PIRT: variants seen among roughly 807,000 people sequenced by gnomAD.
PIRT encodes the protein phosphoinositide-interacting protein.
PIRT carries 6 observed loss-of-function variants against 7.9 expected under a neutral mutation model. The observed-to-expected ratio is 0.76, with a 90% CI of 0.42 to 1.51. The LOEUF (loss-of-function observed/expected upper bound fraction) is 1.51. Ranked by LOEUF, PIRT falls within the 40% of genes most tolerant of loss-of-function variation. The probability of loss-of-function intolerance (pLI) is 0.01; values close to 1 mark genes in which losing one functional copy is unlikely to be tolerated. For synonymous variants in PIRT, 78 were observed against 71.8 expected, an observed-to-expected ratio of 1.09 and a Z score of -0.44; for missense variants, 170 against 172.9, an observed-to-expected ratio of 0.98 and a Z score of 0.09.
rs1905279682 is a variant in PIRT at position 10,825,108 on chromosome 17, C to G, written c.*124G>C. Reference sequence around the variant, plus strand: ...GGAGCCCCAAGCTCTATCTTCCCCACAGGGTCAGGAAGAGCATTTTCCTGG... The same window carrying G: ...GGAGCCCCAAGCTCTATCTTCCCCAGAGGGTCAGGAAGAGCATTTTCCTGG... On this transcript the variant is annotated 3_prime_UTR_variant, in exon 2 of 2. Transcript: ENST00000580256. 1 of 1,280,662 alleles carries G rather than the reference C, an allele frequency of 7.8e-7. No individual in the cohort carries two copies. The highest frequency in any genetic ancestry group is 2.6e-5 in the Admixed American group (1 of 39,030). 79.3% of individuals were successfully genotyped at this position (1,280,662 alleles called of 1,614,324 possible). A position where few individuals can be genotyped will look rare whatever the true frequency, so the allele number is the denominator to read the frequency against.
intron 1 of PIRT, among the ~76,000 whole-genome samples, chr17:10,833,596 T>C (rs1905514603): frequency 6.6e-6 from 1 of 151,952 alleles, no homozygotes; most frequent in South Asian, 2.1e-4. Context: ...CTGCTAAAAA[T>C]ACAAAAAATC....
intron 1 of PIRT, among the ~76,000 whole-genome samples, chr17:10,826,627 A>G (rs9908426): frequency 0.18 from 27,728 of 152,206 alleles, 3,233 homozygotes; most frequent in African/African-American, 0.32. Context: ...TACTGATGAG[A>G]TAGTGAAGCT....
At chr17:10,833,977 G>A (rs1016178406) in intron 1 of PIRT, among the ~76,000 whole-genome samples, 7 of 152,204 alleles carry the variant, frequency 4.6e-5, no homozygotes, top group East Asian at 3.9e-4. Context: ...TCACAATACC[G>A]TAGGTTGGTG....
At chr17:10,826,925 GC>G (rs1478596372) in intron 1 of PIRT, among the ~76,000 whole-genome samples, 1 of 152,004 alleles carries the variant, frequency 6.6e-6, no homozygotes, top group East Asian at 1.9e-4. Context: ...CGATCCTCCT[GC>G]CTCAGCCTCC....
intron 1 of PIRT, among the ~76,000 whole-genome samples, chr17:10,827,345 T>C (rs1413775501): frequency 1.3e-5 from 2 of 152,174 alleles, no homozygotes; most frequent in African/African-American, 4.8e-5. Context: ...GTGGAGCAAT[T>C]TCAGGGCTGG....
Position 10,825,165 on chromosome 17 carries a change from G to A in PIRT, c.*67C>T. On this transcript the variant is annotated 3_prime_UTR_variant, in exon 2 of 2. Transcript: ENST00000580256. Reference sequence around the variant, plus strand: ...TTTATGGCACCCCACAGAGGAGACAGGGATGTCGGATGTTGGTCATCAGAT... The same window carrying A: ...TTTATGGCACCCCACAGAGGAGACAAGGATGTCGGATGTTGGTCATCAGAT... 1 of 1,551,350 alleles carries A rather than the reference G, an allele frequency of 6.4e-7. No homozygotes were observed. The highest frequency in any genetic ancestry group is 8.8e-7 in the Non-Finnish European group (1 of 1,140,650).
chr17:10,825,041 C>G lies in PIRT; in HGVS notation c.*191G>C. On this transcript the variant is annotated 3_prime_UTR_variant, in exon 2 of 2. Transcript: ENST00000580256. ...AGGAAGCATCAGTCAGAATAGAGATCAAGTGGATACATCTGGCAACATTCC... is the reference window on the plus strand; with the variant it reads ...AGGAAGCATCAGTCAGAATAGAGATGAAGTGGATACATCTGGCAACATTCC... The G allele has an allele frequency of 1.4e-6, 1 of 719,954 alleles. No homozygotes were observed. Among genetic ancestry groups the G allele is most frequent in the African/African-American group, 1.8e-5 (1 of 56,080 alleles). 44.6% of individuals were successfully genotyped at this position (719,954 alleles called of 1,614,324 possible).
chr17:10,834,040 A>G (rs1002400464), intron 1 of PIRT, among the ~76,000 whole-genome samples: 1 of 152,194 alleles, frequency 6.6e-6, no homozygotes, highest in Admixed American at 6.5e-5. Flanking sequence ...TGTTTTTTAC[A>G]AAGTTAAATA....
chr17:10,835,103 C>T (rs1323237023), intron 1 of PIRT, among the ~76,000 whole-genome samples: 1 of 152,146 alleles, frequency 6.6e-6, no homozygotes, highest in African/African-American at 2.4e-5. Flanking sequence ...TCCTCCCTGC[C>T]TCCATTCTTT....
intron 1 of PIRT, among the ~76,000 whole-genome samples, chr17:10,828,635 C>T (rs1315392389): frequency 1.3e-5 from 2 of 152,112 alleles, no homozygotes; most frequent in Non-Finnish European, 2.9e-5. Flanking sequence ...TGGGAGCCAC[C>T]AGCTCCAGAC....
chr17:10,833,678 T>C (rs1905516564), intron 1 of PIRT, among the ~76,000 whole-genome samples: 1 of 151,668 alleles, frequency 6.6e-6, no homozygotes, highest in Admixed American at 6.6e-5. Flanking sequence ...CACTTGAAAC[T>C]GGCAGATGGA....
In PIRT at chr17:10,837,297, G is replaced by A. The variant is rs146843777; in HGVS notation, c.-139+648C>T. On this transcript the variant is annotated intron_variant, in intron 1 of 1. Transcript: ENST00000580256. The stretch of plus-strand genomic sequence containing the variant: ...CTTTACCCGGATGCAGGGTTCTCAC[G>A]GCACACAGTTGCCTGACTGAGCCAC... 2.3e-4 allele frequency among the ~76,000 whole-genome samples: 35 copies of A among 152,314 alleles called. 1 individual carries two copies. The East Asian group carries it at 6.8e-3, about 29-fold the overall frequency.
In PIRT at chr17:10,825,511, G is replaced by C. The variant is rs556485619; in HGVS notation, c.135C>G (p.Pro45=). Residue 45 remains proline, a synonymous_variant, in exon 2 of 2, where the codon CCC becomes CCG. Transcript: ENST00000580256. ...TGCGGTAGATTTCCCAGTTACTCCT[G>C]GGGGTGGTGGTCCAGACAGACTCGC... The part of the protein sequence containing the change: ...SRSESVWTTT[P]RSNWEIYRKP... The C allele has an allele frequency of 1.5e-4, 245 of 1,613,590 alleles. 3 individuals are homozygous for C. The South Asian group carries it at 2.5e-3, about 16-fold the overall frequency.
At chr17:10,833,624 C>T (rs1905515096) in intron 1 of PIRT, among the ~76,000 whole-genome samples, 1 of 152,030 alleles carries the variant, frequency 6.6e-6, no homozygotes, top group Non-Finnish European at 1.5e-5. Context: ...TGTGGTGGTG[C>T]ACGCCTATAA....
chr17:10,837,425 A>G (rs1294119634), intron 1 of PIRT, among the ~76,000 whole-genome samples: 2 of 152,246 alleles, frequency 1.3e-5, no homozygotes, highest in Non-Finnish European at 2.9e-5. Context: ...CACCTGCCCC[A>G]GACACCTGCC....
At chr17:10,835,376 C>T (rs571740920) in intron 1 of PIRT, among the ~76,000 whole-genome samples, 5 of 152,274 alleles carry the variant, frequency 3.3e-5, no homozygotes, top group African/African-American at 9.6e-5. Flanking sequence ...TATATTCTTG[C>T]CCCACTTTGC....
At chr17:10,828,641 C>T (rs1339101343) in intron 1 of PIRT, among the ~76,000 whole-genome samples, 1 of 152,162 alleles carries the variant, frequency 6.6e-6, no homozygotes, top group Non-Finnish European at 1.5e-5. Context: ...CCACCAGCTC[C>T]AGACACATGT....
rs1341700792 is a variant in PIRT, at chr17:10,823,030, G to A, written c.*2202C>T. ...GCTGTGCCCAGGCTACAATCTCCTG[G>A]GCAGAGGAAATGAGGCACCTGGAGT... On this transcript the variant is annotated 3_prime_UTR_variant, in exon 2 of 2. Coordinates refer to ENST00000580256, the MANE Select transcript of PIRT (RefSeq NM_001101387.2). 1 of 152,128 alleles carries A rather than the reference G, an allele frequency of 6.6e-6. No individual in the cohort carries two copies. Among genetic ancestry groups the A allele is most frequent in the African/African-American group, 2.4e-5 (1 of 41,424 alleles). The allele number at this position is 152,128 out of a possible 1,614,324, so 9.4% of individuals were successfully genotyped here. A position where few individuals can be genotyped will look rare whatever the true frequency, so the allele number is the denominator to read the frequency against.
intron 1 of PIRT, among the ~76,000 whole-genome samples, chr17:10,830,242 C>G (rs1391938529): frequency 6.6e-6 from 1 of 152,164 alleles, no homozygotes; most frequent in Non-Finnish European, 1.5e-5. Flanking sequence ...CATCTATAAA[C>G]AGAAGCAGGC....
Sources: gnomAD v4.1 joint callset for allele counts (sites outside exome capture counted in the v4.1 genomes callset) on GRCh38, gnomAD v4.1.1 for gene constraint, MANE v1.5 for transcripts, NCBI Gene and HGNC (gene_info 2026-07-23, HGNC 2026-07-21) for gene names.